CSMD1: variants seen among roughly 807,000 people sequenced by gnomAD.
The protein encoded by CSMD1 is CUB and Sushi multiple domains 1, also known as CUB and sushi domain-containing protein 1.
A neutral mutation model predicts 417.5 loss-of-function variants in CSMD1; 213 were observed. The ratio of observed to expected loss-of-function variants is 0.51; its 90% CI spans 0.46 to 0.57. The LOEUF (loss-of-function observed/expected upper bound fraction) is 0.57, where lower values mean the gene tolerates loss of function less well. Ranked by LOEUF, CSMD1 falls within the 20% of genes least tolerant of loss-of-function variation. The pLI is 0.00. For missense variants in CSMD1, 6,923 were observed against 4,529.7 expected (o/e 1.53, Z -15.17); for synonymous variants, 2,862 against 1,736.8 (o/e 1.65, Z -16.11).
At chr8:3,768,134 G>C (rs1798386021) in intron 5 of CSMD1, among the ~76,000 whole-genome samples, 1 of 150,776 alleles carries the variant, frequency 6.6e-6, no homozygotes, top group African/African-American at 2.5e-5. Flanking sequence ...AAAGATAGCA[G>C]AGAGGGGGTG....
At chr8:3,368,891 C>G (rs1284035390) in intron 19 of CSMD1, among the ~76,000 whole-genome samples, 1 of 152,002 alleles carries the variant, frequency 6.6e-6, no homozygotes, top group African/African-American at 2.4e-5. Flanking sequence ...AAAAATTGTC[C>G]CAGATATATC....
chr8:3,758,997 A>G (rs190527295), intron 5 of CSMD1, among the ~76,000 whole-genome samples: 160 of 152,340 alleles, frequency 1.1e-3, no homozygotes, highest in Non-Finnish European at 1.5e-3. Flanking sequence ...AGCTGCTGAT[A>G]CCTTTATAAC....
intron 5 of CSMD1, among the ~76,000 whole-genome samples, chr8:3,756,781 T>C (rs762193016): frequency 1.3e-5 from 2 of 151,440 alleles, no homozygotes; most frequent in African/African-American, 2.4e-5. Context: ...CGGTTCTGAC[T>C]GAAAAAACCA....
chr8:4,244,926 G>A (rs1018175832), intron 3 of CSMD1, among the ~76,000 whole-genome samples: 1 of 152,180 alleles, frequency 6.6e-6, no homozygotes, highest in Non-Finnish European at 1.5e-5. Context: ...CTTCCAATTT[G>A]TCATCACCAT....
chr8:3,314,347 A>C (rs1343661037), intron 23 of CSMD1, among the ~76,000 whole-genome samples: 1 of 152,236 alleles, frequency 6.6e-6, no homozygotes, highest in Non-Finnish European at 1.5e-5. Flanking sequence ...ATGTGAATTT[A>C]AGAGACTTTT....
chr8:4,451,563 A>AGAGT (rs1255338431), intron 2 of CSMD1, among the ~76,000 whole-genome samples: 2 of 152,204 alleles, frequency 1.3e-5, no homozygotes, highest in Non-Finnish European at 1.5e-5. Context: ...GGTGAGCGAT[A>AGAGT]GAGTGAAGAC....
At chr8:3,911,142 G>C (rs1055109244) in intron 5 of CSMD1, among the ~76,000 whole-genome samples, 2 of 152,138 alleles carry the variant, frequency 1.3e-5, no homozygotes, top group African/African-American at 2.4e-5. Context: ...AGGACTCAAA[G>C]AGCTCTCAGA....
intron 23 of CSMD1, among the ~76,000 whole-genome samples, chr8:3,337,804 A>C (rs943241815): frequency 2.6e-5 from 4 of 152,208 alleles, no homozygotes; most frequent in Non-Finnish European, 4.4e-5. Context: ...ATGAGTCATT[A>C]AACAAAAGTA....
At chr8:4,091,344 A>T (rs181811295) in intron 3 of CSMD1, among the ~76,000 whole-genome samples, 6 of 152,250 alleles carry the variant, frequency 3.9e-5, no homozygotes, top group Non-Finnish European at 7.3e-5. Flanking sequence ...TGATTCCATC[A>T]TTGAATTTGA....
intron 49 of CSMD1, among the ~76,000 whole-genome samples, chr8:3,064,763 G>A (rs1036833410): frequency 2.6e-5 from 4 of 152,104 alleles, no homozygotes; most frequent in Admixed American, 6.5e-5. Context: ...GGTTCTTTCC[G>A]AAAATGTGAT....
chr8:4,602,888 A>G (rs1172365628), intron 2 of CSMD1, among the ~76,000 whole-genome samples: 1 of 151,934 alleles, frequency 6.6e-6, no homozygotes, highest in African/African-American at 2.4e-5. Context: ...TAATAACGCT[A>G]TCATATAATG....
chr8:3,588,562 G>T lies in CSMD1; in HGVS notation c.1098-2302C>A, dbSNP rs894201649. Among the ~76,000 whole-genome samples the T allele has an allele frequency of 5.3e-5, 8 of 152,138 alleles. 1 individual carries two copies. The highest frequency in any genetic ancestry group is 1.9e-4 in the African/African-American group (8 of 41,442). On this transcript the variant is annotated intron_variant, in intron 8 of 69. Transcript: ENST00000635120. Reference sequence around the variant, plus strand: ...TGCAGCACACCAATCCTTAGTCATGGAGGGCTCTCTGCTCCTATAACACCT... The same window carrying T: ...TGCAGCACACCAATCCTTAGTCATGTAGGGCTCTCTGCTCCTATAACACCT...
chr8:3,164,624 T>A (rs1263634083), intron 37 of CSMD1, among the ~76,000 whole-genome samples: 1 of 152,150 alleles, frequency 6.6e-6, no homozygotes, highest in African/African-American at 2.4e-5. Context: ...AATGTATACT[T>A]AAAATACTAG....
At chr8:4,595,425 T>C (rs1415149050) in intron 2 of CSMD1, among the ~76,000 whole-genome samples, 1 of 121,804 alleles carries the variant, frequency 8.2e-6, no homozygotes, top group Non-Finnish European at 1.9e-5. Context: ...ATTGTCAATA[T>C]GCTAACAACA....
chr8:3,667,148 G>A (rs1261081852), intron 7 of CSMD1, among the ~76,000 whole-genome samples: 1 of 151,982 alleles, frequency 6.6e-6, no homozygotes, highest in Non-Finnish European at 1.5e-5. Context: ...GGTAAAGGGG[G>A]GCTGTTCTTA....
intron 12 of CSMD1, among the ~76,000 whole-genome samples, chr8:3,426,453 T>C (rs1368709791): frequency 4.6e-5 from 7 of 152,184 alleles, no homozygotes; most frequent in Non-Finnish European, 1.5e-5. Flanking sequence ...ACTTTTCAAA[T>C]CAATTAATGG....
chr8:4,949,999 C>T (rs1416438848), intron 1 of CSMD1, among the ~76,000 whole-genome samples: 1 of 152,026 alleles, frequency 6.6e-6, no homozygotes. Flanking sequence ...TTGGTCACGA[C>T]TATTGATTGA....
intron 54 of CSMD1, among the ~76,000 whole-genome samples, chr8:2,994,847 C>G (rs1006674498): frequency 6.6e-6 from 1 of 152,022 alleles, no homozygotes; most frequent in African/African-American, 2.4e-5. Context: ...ACCAATATCT[C>G]TTGAATATCC....
chr8:3,492,235 C>G (rs1473026438), intron 11 of CSMD1, among the ~76,000 whole-genome samples: 1 of 152,102 alleles, frequency 6.6e-6, no homozygotes, highest in South Asian at 2.1e-4. Flanking sequence ...CCCCAAGCAA[C>G]CAGTGGCATG....
Sources: allele counts gnomAD v4.1 joint callset (sites outside exome capture counted in the v4.1 genomes callset), GRCh38; gene constraint gnomAD v4.1.1; transcripts MANE v1.5; gene names NCBI Gene and HGNC (gene_info 2026-07-23, HGNC 2026-07-21).